PUDP: variants seen among roughly 807,000 people sequenced by gnomAD.
PUDP encodes the protein pseudouridine 5'-phosphatase.
A neutral mutation model predicts 9.4 loss-of-function variants in PUDP; 8 were observed. The observed-to-expected ratio is 0.85, with a 90% confidence interval of 0.50 to 1.53. The LOEUF (loss-of-function observed/expected upper bound fraction) is 1.53, where lower values mean the gene tolerates loss of function less well. Among genes scored for constraint, PUDP ranks in the 40% most tolerant of loss-of-function variants. The pLI, the probability that PUDP is intolerant of heterozygous loss-of-function variation, is 0.00. For missense variants in PUDP, 188 were observed against 189.7 expected, an observed-to-expected ratio of 0.99 and a Z score of 0.05; for synonymous variants, 99 against 80.7, an observed-to-expected ratio of 1.23 and a Z score of -1.22.
At chrX:6,876,952 C>T (rs1351250759) in intron 3 of PUDP, among the ~76,000 whole-genome samples, 5 of 88,839 alleles carry the variant, frequency 5.6e-5, no homozygotes, top group South Asian at 5.3e-4. Context: ...TATATGTGTA[C>T]ACACACACAC....
At chrX:7,035,647 C>A (rs913660685) in intron 1 of PUDP, among the ~76,000 whole-genome samples, 1 of 111,903 alleles carries the variant, frequency 8.9e-6, no homozygotes, top group Non-Finnish European at 1.9e-5. Flanking sequence ...GAGGATCCAG[C>A]CTTTACTCAT....
chrX:7,101,425 A>G (rs764659531), intron 2 of PUDP, among the ~76,000 whole-genome samples: 8 of 111,471 alleles, frequency 7.2e-5, no homozygotes, highest in Non-Finnish European at 1.1e-4. Context: ...AGTTTCTATG[A>G]TTGGCACCTT....
intron 3 of PUDP, among the ~76,000 whole-genome samples, chrX:6,862,987 C>T (rs984775597): frequency 4.5e-5 from 5 of 111,901 alleles, no homozygotes; most frequent in East Asian, 2.8e-4. Context: ...AATTCAATAA[C>T]GTACTTTTAT....
At chrX:7,042,045 C>T (rs1477267283) in intron 1 of PUDP, among the ~76,000 whole-genome samples, 1 of 107,943 alleles carries the variant, frequency 9.3e-6, no homozygotes, top group Non-Finnish European at 1.9e-5. Flanking sequence ...TGGTGGTTGA[C>T]GTCCATGTTC....
chrX:6,892,714 G>A (rs1927533615), intron 3 of PUDP, among the ~76,000 whole-genome samples: 1 of 111,456 alleles, frequency 9.0e-6, no homozygotes, highest in Admixed American at 9.6e-5. Context: ...CTATGAGAAA[G>A]TGATAAAGGT....
chrX:6,847,223 G>A (rs762114848), intron 3 of PUDP, among the ~76,000 whole-genome samples: 1 of 111,038 alleles, frequency 9.0e-6, no homozygotes, highest in East Asian at 2.8e-4. Context: ...AGGTTGTCAG[G>A]AATTGACATT....
At position 7,025,831 on chromosome X, in the gene PUDP, A is replaced by T. The variant is rs757199444; in HGVS notation, c.205-47488T>A. 2.7e-5 allele frequency among the ~76,000 whole-genome samples: 3 copies of T among 112,580 alleles called. No homozygotes were observed. The East Asian group carries it at 8.4e-4, about 31-fold the overall frequency. On this transcript the variant is annotated intron_variant and NMD_transcript_variant, in intron 1 of 3. Transcript: ENST00000655425. Reference sequence around the variant, plus strand: ...TAAATATACTATGTCAACTTTGAACATTTATTTAGCACTTTTCACTGTAAA... The same window carrying T: ...TAAATATACTATGTCAACTTTGAACTTTTATTTAGCACTTTTCACTGTAAA...
chrX:6,731,540 C>A (rs753012256), intron 3 of PUDP, among the ~76,000 whole-genome samples: 1 of 111,670 alleles, frequency 9.0e-6, no homozygotes, highest in African/African-American at 3.3e-5. Flanking sequence ...CTTGGCTGTT[C>A]CTGTTCAACA....
chrX:6,832,987 T>C (rs761734972), intron 3 of PUDP, among the ~76,000 whole-genome samples: 1,437 of 106,309 alleles, frequency 0.014, 26 homozygotes, highest in African/African-American at 0.047. Context: ...CTCTCTGACA[T>C]ACACACACAC....
intron 1 of PUDP, among the ~76,000 whole-genome samples, chrX:6,987,408 T>C (rs1489104447): frequency 1.8e-5 from 2 of 112,037 alleles, no homozygotes; most frequent in African/African-American, 6.5e-5. Context: ...GGGTTCATTT[T>C]GCAGTAACTG....
intron 1 of PUDP, among the ~76,000 whole-genome samples, chrX:6,983,331 A>G (rs1419660086): frequency 9.0e-6 from 1 of 111,443 alleles, no homozygotes; most frequent in East Asian, 2.8e-4. Context: ...ATGAAATCAT[A>G]GGGAGCAAAG....
intron 1 of PUDP, among the ~76,000 whole-genome samples, chrX:7,118,487 T>C (rs1932256204): frequency 8.9e-6 from 1 of 112,440 alleles, no homozygotes; most frequent in African/African-American, 3.2e-5. Context: ...TATGGTTTGC[T>C]TGTTTTGGTT....
intron 3 of PUDP, among the ~76,000 whole-genome samples, chrX:6,813,657 C>G (rs923641723): frequency 1.2e-4 from 13 of 111,515 alleles, no homozygotes; most frequent in African/African-American, 3.9e-4. Flanking sequence ...TTCCAGCAGC[C>G]AGTCCGCATC....
intron 3 of PUDP, among the ~76,000 whole-genome samples, chrX:6,913,872 A>C (rs1927884226): frequency 1.8e-5 from 2 of 111,380 alleles, no homozygotes; most frequent in South Asian, 7.6e-4. Flanking sequence ...ATACAAATGA[A>C]GAGTTTTAAA....
chrX:7,020,143 G>A (rs2146819477), intron 1 of PUDP, among the ~76,000 whole-genome samples: 1 of 110,487 alleles, frequency 9.1e-6, no homozygotes, highest in Admixed American at 9.6e-5. Context: ...GTGCCTATTC[G>A]AGACACTGGT....
intron 3 of PUDP, among the ~76,000 whole-genome samples, chrX:6,897,074 C>T (rs969304535): frequency 9.0e-6 from 1 of 111,105 alleles, no homozygotes; most frequent in Non-Finnish European, 1.9e-5. Flanking sequence ...GTAAAAACCC[C>T]GGGACAGACC....
intron 1 of PUDP, among the ~76,000 whole-genome samples, chrX:6,999,011 G>T (rs1255520942): frequency 9.0e-6 from 1 of 111,497 alleles, no homozygotes; most frequent in Non-Finnish European, 1.9e-5. Flanking sequence ...CTCTGTATTT[G>T]AACTTTTTTT....
chrX:6,844,272 T>C (rs938413247), intron 3 of PUDP, among the ~76,000 whole-genome samples: 9 of 113,203 alleles, frequency 8.0e-5, no homozygotes, highest in Non-Finnish European at 1.7e-4. Flanking sequence ...TTTAATTCCA[T>C]CTGCAGCCTT....
At chrX:6,918,037 T>C (rs1569123144) in intron 3 of PUDP, among the ~76,000 whole-genome samples, 1 of 112,214 alleles carries the variant, frequency 8.9e-6, no homozygotes, top group Non-Finnish European at 1.9e-5. Flanking sequence ...ATCTCACCTC[T>C]AGCCAACATC....
Sources: allele counts gnomAD v4.1 joint callset (sites outside exome capture counted in the v4.1 genomes callset), GRCh38; gene constraint gnomAD v4.1.1; transcripts MANE v1.5; gene names NCBI Gene and HGNC (gene_info 2026-07-23, HGNC 2026-07-21).